DISC1: variants seen among roughly 807,000 people sequenced by gnomAD.
The protein encoded by DISC1 is disrupted in schizophrenia 1 protein.
Under a neutral mutation model 84.5 loss-of-function variants are expected in DISC1, and 57 were observed. That is an observed-to-expected ratio of 0.67 (90% CI 0.55 to 0.84). The LOEUF is 0.84. DISC1 is among the 40% of genes least tolerant of loss of function. The pLI is 0.00. For synonymous variants in DISC1, 411 were observed against 415.2 expected, an observed-to-expected ratio of 0.99 and a Z score of 0.12; for missense variants, 1,000 against 1,057.8, an observed-to-expected ratio of 0.95 and a Z score of 0.76.
Position 232,040,350 on chromosome 1 carries a change from G to A in DISC1, c.*3519G>A, listed in dbSNP as rs1020377512. The A allele has an allele frequency of 3.3e-5, 5 of 152,100 alleles. No homozygotes were observed. The highest frequency in any genetic ancestry group is 5.9e-5 in the Non-Finnish European group (4 of 68,048). 9.4% of individuals were successfully genotyped at this position (152,100 alleles called of 1,614,324 possible). On this transcript the variant is annotated 3_prime_UTR_variant, in exon 13 of 13. Coordinates refer to ENST00000439617, the MANE Select transcript of DISC1 (RefSeq NM_018662.3). Reference sequence around the variant, plus strand: ...CTTCTCCAAATTAGTATATACTATTGGAAACTTGTCTTTCCCTGCAGTAAG... The same window carrying A: ...CTTCTCCAAATTAGTATATACTATTAGAAACTTGTCTTTCCCTGCAGTAAG...
intron 8 of DISC1, among the ~76,000 whole-genome samples, chr1:231,806,787 C>T (rs200592612): frequency 3.6e-4 from 55 of 152,392 alleles, no homozygotes; most frequent in Non-Finnish European, 6.5e-4. Context: ...TGAACGCTCC[C>T]GCCCTCTGCC....
chr1:231,771,103 C>A, intron 6 of DISC1, 33 bp downstream of exon 6: 1 of 1,540,482 alleles, frequency 6.5e-7, no homozygotes, highest in Non-Finnish European at 8.8e-7. Flanking sequence ...TTTTGGGTCG[C>A]TCGCCTCTTT....
At chr1:231,902,378 A>G (rs2088250070) in intron 9 of DISC1, among the ~76,000 whole-genome samples, 2 of 152,178 alleles carry the variant, frequency 1.3e-5, no homozygotes, top group East Asian at 1.9e-4. Context: ...AGGTGGGCAG[A>G]TCATCTGATG....
rs2081847061 is a variant in DISC1, at chr1:231,826,150, T to C, written c.1981+7633T>C. 6.6e-6 allele frequency among the ~76,000 whole-genome samples: 1 copy of C among 152,210 alleles called. No individual in the cohort carries two copies. Among genetic ancestry groups the C allele is most frequent in the South Asian group, 2.1e-4 (1 of 4,824 alleles). On this transcript the variant is annotated intron_variant, in intron 9 of 12. Transcript: ENST00000439617. This position sits in a 1 kb window ranked among gnomAD's most constrained non-coding sequence, Gnocchi z 4.2. ...TCCTCTGGACCACTGTGGTACTGGC[T>C]CCACTGGAATCTCTGTTTTACCGAT... is the stretch of plus-strand genomic sequence containing the variant.
intron 9 of DISC1, among the ~76,000 whole-genome samples, chr1:231,896,406 A>G (rs967434): frequency 0.54 from 82,545 of 151,900 alleles, 22,676 homozygotes; most frequent in East Asian, 0.65. Context: ...ACTGACAGCT[A>G]CTCCTTCAGG....
At chr1:231,758,376 G>A (rs1487900286) in intron 4 of DISC1, among the ~76,000 whole-genome samples, 1 of 152,008 alleles carries the variant, frequency 6.6e-6, no homozygotes, top group East Asian at 1.9e-4. Context: ...TTTCCCACTG[G>A]GTTTGAGTAG....
At chr1:231,653,529 A>G (rs1471699805) in intron 1 of DISC1, among the ~76,000 whole-genome samples, 1 of 152,232 alleles carries the variant, frequency 6.6e-6, no homozygotes, top group East Asian at 1.9e-4. Context: ...AGAATGTCAC[A>G]TGGCCATACA....
At chr1:231,890,498 T>G (rs893190716) in intron 9 of DISC1, among the ~76,000 whole-genome samples, 8 of 152,270 alleles carry the variant, frequency 5.3e-5, no homozygotes, top group African/African-American at 1.7e-4. Context: ...TATATATGAT[T>G]TAACTTAGAT....
intron 11 of DISC1, among the ~76,000 whole-genome samples, chr1:232,022,023 A>C (rs559074530): frequency 1.8e-4 from 27 of 152,250 alleles, no homozygotes; most frequent in Admixed American, 1.2e-3. Flanking sequence ...CTGAAAAGAC[A>C]TGTCACCTTT....
At chr1:231,970,061 C>G (rs4454534) in intron 10 of DISC1, among the ~76,000 whole-genome samples, 1 of 152,078 alleles carries the variant, frequency 6.6e-6, no homozygotes, top group African/African-American at 2.4e-5. Flanking sequence ...AATAAACATA[C>G]GTGTGCATGT....
At chr1:231,759,543 A>AAAC (rs1558492700) in intron 4 of DISC1, among the ~76,000 whole-genome samples, 1 of 149,898 alleles carries the variant, frequency 6.7e-6, no homozygotes, top group Non-Finnish European at 1.5e-5. Flanking sequence ...AAAAAAAAAA[A>AAAC]AAAAAAAACA....
At chr1:231,835,651 G>T (rs961025917) in intron 9 of DISC1, among the ~76,000 whole-genome samples, 3 of 152,178 alleles carry the variant, frequency 2.0e-5, no homozygotes, top group Non-Finnish European at 4.4e-5. Flanking sequence ...GCCTGACAGT[G>T]TGTTGTCTAT....
intron 9 of DISC1, among the ~76,000 whole-genome samples, chr1:231,957,735 C>A (rs1347218250): frequency 3.3e-5 from 5 of 152,130 alleles, no homozygotes; most frequent in African/African-American, 9.7e-5. Context: ...ACTAATGAAC[C>A]AGAATGTTTA....
intron 8 of DISC1, among the ~76,000 whole-genome samples, chr1:231,805,848 G>T (rs1464487189): frequency 6.6e-6 from 1 of 152,198 alleles, no homozygotes; most frequent in Non-Finnish European, 1.5e-5. Context: ...TGACGTAGAG[G>T]AAGAAACTCA....
chr1:231,819,024 T>A, intron 9 of DISC1: 1 of 992,984 alleles, frequency 1.0e-6, no homozygotes, highest in Non-Finnish European at 1.2e-6. Flanking sequence ...AGTGTCTGCT[T>A]GTCAGAGGAG....
intron 1 of DISC1, among the ~76,000 whole-genome samples, chr1:231,639,464 G>A (rs1326446362): frequency 6.6e-6 from 1 of 152,206 alleles, no homozygotes; most frequent in Non-Finnish European, 1.5e-5. Flanking sequence ...CACTGGACAA[G>A]TGCATCTTCT....
At chr1:231,767,030 A>G (rs1191655272) in intron 4 of DISC1, 110 bp from the exon 5 acceptor site, 1 of 1,421,836 alleles carries the variant, frequency 7.0e-7, no homozygotes, top group Non-Finnish European at 9.7e-7. Flanking sequence ...CCTCCTAAGT[A>G]TGAGAACAGA....
At chr1:231,907,139 T>C (rs1478222306) in intron 9 of DISC1, among the ~76,000 whole-genome samples, 14 of 73,244 alleles carry the variant, frequency 1.9e-4, no homozygotes, top group Admixed American at 1.5e-4. Flanking sequence ...TCCTCTTTCT[T>C]TCTTTCTTTC....
intron 10 of DISC1, among the ~76,000 whole-genome samples, chr1:231,974,581 GT>G (rs1345598461): frequency 6.6e-6 from 1 of 152,110 alleles, no homozygotes; most frequent in Non-Finnish European, 1.5e-5. Context: ...CTTAACTTCC[GT>G]AATAAGAATC....
Sources: allele counts gnomAD v4.1 joint callset (sites outside exome capture counted in the v4.1 genomes callset), GRCh38; gene constraint gnomAD v4.1.1; non-coding constraint Gnocchi (gnomAD v3.1); transcripts MANE v1.5; gene names NCBI Gene and HGNC (gene_info 2026-07-23, HGNC 2026-07-21).